The following HEMK2 variants were observed in gnomAD, a reference collection of about 807,000 sequenced individuals.
HEMK2 encodes the protein methyltransferase HEMK2.
chr21:28,779,586 A>T, the HEMK2 span, among the ~76,000 whole-genome samples: 1 of 152,186 alleles, frequency 6.6e-6, no homozygotes, highest in Non-Finnish European at 1.5e-5. Flanking sequence ...TGCATATTTC[A>T]AAGTTGCTAA....
the HEMK2 span, among the ~76,000 whole-genome samples, chr21:28,870,049 T>C: frequency 6.6e-6 from 1 of 152,214 alleles, no homozygotes; most frequent in Admixed American, 6.5e-5. Flanking sequence ...CCTGAATTTT[T>C]TGTTTATCAT....
chr21:28,612,624 G>A, the HEMK2 span, among the ~76,000 whole-genome samples: 31 of 152,206 alleles, frequency 2.0e-4, no homozygotes, highest in African/African-American at 6.7e-4. Context: ...TTCCAAATAG[G>A]TGAAAAGGAA....
chr21:28,601,374 CT>C, the HEMK2 span, among the ~76,000 whole-genome samples: 1 of 152,142 alleles, frequency 6.6e-6, no homozygotes, highest in African/African-American at 2.4e-5. Context: ...TGCTCCCTGG[CT>C]TTCTACACCT....
the HEMK2 span, among the ~76,000 whole-genome samples, chr21:28,677,303 GCA>G: frequency 6.6e-6 from 1 of 152,072 alleles, no homozygotes; most frequent in East Asian, 1.9e-4. Context: ...CTCCTTGTTA[GCA>G]CAGCACTCTG....
At chr21:28,883,161 ATTT>A in the HEMK2 span, 3 of 810,566 alleles carry the variant, frequency 3.7e-6, no homozygotes, top group South Asian at 2.4e-5. Flanking sequence ...TAGCATATAT[ATTT>A]CTCTAGCATC....
chr21:28,596,269 C>T, the HEMK2 span, among the ~76,000 whole-genome samples: 20 of 152,278 alleles, frequency 1.3e-4, no homozygotes, highest in African/African-American at 4.6e-4. Context: ...CACCCCACCT[C>T]AGCCTCCCAA....
the HEMK2 span, among the ~76,000 whole-genome samples, chr21:28,713,478 G>A: frequency 9.9e-5 from 15 of 152,088 alleles, no homozygotes; most frequent in East Asian, 5.8e-4. Context: ...CAGCCACAAT[G>A]GCCAACCTTT....
chr21:28,588,757 T>G, the HEMK2 span, among the ~76,000 whole-genome samples: 19,951 of 151,532 alleles, frequency 0.13, 2,339 homozygotes, highest in African/African-American at 0.32. Context: ...GATCACGAGG[T>G]CGGATCACAA....
At chr21:28,777,231 C>A in the HEMK2 span, among the ~76,000 whole-genome samples, 1 of 152,170 alleles carries the variant, frequency 6.6e-6, no homozygotes, top group Non-Finnish European at 1.5e-5. Context: ...AACCCTTGTG[C>A]CTTCTCTATT....
chr21:28,841,307 T>TA, the HEMK2 span, among the ~76,000 whole-genome samples: 147 of 9,538 alleles, frequency 0.015, 23 homozygotes, highest in African/African-American at 0.12. Flanking sequence ...ATATTATATA[T>TA]AATATATAAT....
the HEMK2 span, among the ~76,000 whole-genome samples, chr21:28,691,400 G>A: frequency 6.6e-5 from 10 of 152,072 alleles, no homozygotes; most frequent in East Asian, 1.5e-3. Flanking sequence ...TTCACTCCAC[G>A]TCAGTTAAAA....
chr21:28,690,826 T>A, the HEMK2 span, among the ~76,000 whole-genome samples: 1 of 152,190 alleles, frequency 6.6e-6, no homozygotes, highest in Non-Finnish European at 1.5e-5. Flanking sequence ...ATACAGCATC[T>A]CCCTCCATCT....
At chr21:28,704,202 T>C in the HEMK2 span, among the ~76,000 whole-genome samples, 4 of 152,310 alleles carry the variant, frequency 2.6e-5, no homozygotes, top group African/African-American at 9.6e-5. Context: ...CAGAGGTAGT[T>C]CAAAATGCTG....
the HEMK2 span, among the ~76,000 whole-genome samples, chr21:28,864,010 T>G: frequency 6.6e-6 from 1 of 151,964 alleles, no homozygotes; most frequent in East Asian, 1.9e-4. Context: ...TGTATTTTTT[T>G]AGTAGAGGCA....
At chr21:28,588,221 G>A in the HEMK2 span, among the ~76,000 whole-genome samples, 1 of 152,174 alleles carries the variant, frequency 6.6e-6, no homozygotes, top group Non-Finnish European at 1.5e-5. Context: ...TGAAAAAAAA[G>A]TGTTGTAAGA....
the HEMK2 span, among the ~76,000 whole-genome samples, chr21:28,594,011 A>G: frequency 1.3e-5 from 2 of 152,200 alleles, no homozygotes; most frequent in African/African-American, 2.4e-5. Context: ...ATCAACAGCG[A>G]TAAGTGACAT....
the HEMK2 span, among the ~76,000 whole-genome samples, chr21:28,637,023 G>A: frequency 1.3e-5 from 2 of 152,176 alleles, no homozygotes; most frequent in African/African-American, 4.8e-5. Context: ...AAAGCAAGTG[G>A]CACATTCAGG....
the HEMK2 span, among the ~76,000 whole-genome samples, chr21:28,852,808 T>G: frequency 3.9e-5 from 6 of 152,168 alleles, no homozygotes; most frequent in African/African-American, 1.4e-4. Flanking sequence ...GCAGTAGGCT[T>G]CGTATCAATT....
the HEMK2 span, among the ~76,000 whole-genome samples, chr21:28,686,779 C>T: frequency 6.6e-6 from 1 of 152,190 alleles, no homozygotes; most frequent in African/African-American, 2.4e-5. Context: ...AAGTCAACAT[C>T]TGGATTGAAG....
Sources: allele counts gnomAD v4.1 joint callset (sites outside exome capture counted in the v4.1 genomes callset), GRCh38; gene constraint gnomAD v4.1.1; transcripts MANE v1.5; gene names NCBI Gene and HGNC (gene_info 2026-07-23, HGNC 2026-07-21).